CFAP47: variants seen among roughly 807,000 people sequenced by gnomAD.
The protein encoded by CFAP47 is cilia- and flagella-associated protein 47.
Under a neutral mutation model 148.1 loss-of-function variants are expected in CFAP47, and 29 were observed. The ratio of observed to expected loss-of-function variants is 0.20; its 90% CI spans 0.15 to 0.27. CFAP47 has a LOEUF of 0.27. CFAP47 is among the 10% of genes least tolerant of loss of function. CFAP47 has a pLI of 1.00. For missense variants in CFAP47, 1,872 were observed against 1,697.5 expected (o/e 1.10, Z -1.81); for synonymous variants, 664 against 577.3 (o/e 1.15, Z -2.15).
chrX:36,380,664 C>T (rs1375311376), intron 63 of CFAP47, among the ~76,000 whole-genome samples: 1 of 111,713 alleles, frequency 9.0e-6, no homozygotes, highest in African/African-American at 3.3e-5. Flanking sequence ...AGGATGGTCT[C>T]GATCTCCTGA....
intron 57 of CFAP47, among the ~76,000 whole-genome samples, chrX:36,341,427 A>C (rs1213039302): frequency 5.4e-5 from 6 of 111,430 alleles, no homozygotes; most frequent in Non-Finnish European, 1.1e-4. Context: ...ACAGTTTATT[A>C]AAAAACGGGA....
At chrX:36,118,195 T>G (rs2146809987) in intron 33 of CFAP47, among the ~76,000 whole-genome samples, 1 of 112,013 alleles carries the variant, frequency 8.9e-6, no homozygotes, top group Non-Finnish European at 1.9e-5. Context: ...GTTTTGTTCA[T>G]TTTGTTTAGT....
chrX:36,327,116 TTAAAC>T (rs1176678911), intron 57 of CFAP47, among the ~76,000 whole-genome samples: 4 of 111,466 alleles, frequency 3.6e-5, no homozygotes, highest in Non-Finnish European at 7.5e-5. Flanking sequence ...TGGGACCTAA[TTAAAC>T]TAAAGTTTTC....
At chrX:36,033,065 C>T (rs1267580420) in intron 23 of CFAP47, among the ~76,000 whole-genome samples, 1 of 111,840 alleles carries the variant, frequency 8.9e-6, no homozygotes, top group Non-Finnish European at 1.9e-5. Context: ...CCTGCTAACA[C>T]GTTGATCTTA....
intron 36 of CFAP47, among the ~76,000 whole-genome samples, chrX:36,148,901 ATGTGTG>A (rs60968920): frequency 3.2e-3 from 298 of 92,257 alleles, no homozygotes; most frequent in African/African-American, 8.5e-3. Context: ...AACTGTATGT[ATGTGTG>A]TGTGTGTGTG....
chrX:36,164,813 A>G (rs1198584122), intron 39 of CFAP47, among the ~76,000 whole-genome samples: 1 of 111,666 alleles, frequency 9.0e-6, no homozygotes. Flanking sequence ...AAAAACACTT[A>G]GCATGATATC....
At position 36,123,879 on chromosome X, in the gene CFAP47, C is replaced by T. The variant is rs139769997; in HGVS notation, c.5321-14079C>T. Among the ~76,000 whole-genome samples the T allele has an allele frequency of 3.6e-5, 4 of 111,554 alleles. No homozygotes were observed. The East Asian group carries it at 1.1e-3, about 32-fold the overall frequency. On this transcript the variant is annotated intron_variant, in intron 33 of 63. Coordinates refer to ENST00000378653, the MANE Select transcript of CFAP47 (RefSeq NM_001304548.2). ...TAGTCTTACCCCATAGCCACCACACCTGGGGATGTGCTGAGTCTCACCTGA... is the reference window on the plus strand; with the variant it reads ...TAGTCTTACCCCATAGCCACCACACTTGGGGATGTGCTGAGTCTCACCTGA...
At chrX:36,085,801 A>G (rs1195950797) in intron 30 of CFAP47, among the ~76,000 whole-genome samples, 2 of 110,123 alleles carry the variant, frequency 1.8e-5, no homozygotes, top group African/African-American at 6.6e-5. Context: ...TTTTAAGGCA[A>G]TCATTCTTAT....
At chrX:36,243,687 A>ATATATT (rs1940578293) in intron 48 of CFAP47, among the ~76,000 whole-genome samples, 2 of 82,193 alleles carry the variant, frequency 2.4e-5, no homozygotes, top group Non-Finnish European at 4.8e-5. Context: ...ATATATATAT[A>ATATATT]TTCAATATTC....
intron 45 of CFAP47, among the ~76,000 whole-genome samples, chrX:36,216,617 T>C (rs3935979): frequency 0.28 from 31,508 of 111,104 alleles, 5,322 homozygotes; most frequent in African/African-American, 0.64. Flanking sequence ...TTACTTAAAT[T>C]AGTCTCCCCA....
At chrX:36,262,071 A>C (rs1471393576) in intron 49 of CFAP47, among the ~76,000 whole-genome samples, 1 of 111,560 alleles carries the variant, frequency 9.0e-6, no homozygotes, top group Non-Finnish European at 1.9e-5. Flanking sequence ...GTTTCTTTTA[A>C]ATTTTTTTAT....
At chrX:35,965,051 T>C (rs1049469477) in intron 8 of CFAP47, among the ~76,000 whole-genome samples, 1 of 111,888 alleles carries the variant, frequency 8.9e-6, no homozygotes, top group African/African-American at 3.2e-5. Context: ...ATTTTTTTCA[T>C]GTTGAAAACT....
At chrX:36,098,597 T>A (rs1938319564) in intron 30 of CFAP47, among the ~76,000 whole-genome samples, 196 bp from the exon 31 acceptor site, 1 of 111,521 alleles carries the variant, frequency 9.0e-6, no homozygotes, top group African/African-American at 3.3e-5. Flanking sequence ...CACTCTTCCC[T>A]CCCCTTTCCA....
chrX:36,351,569 T>C (rs896849408), intron 59 of CFAP47, among the ~76,000 whole-genome samples: 7 of 112,050 alleles, frequency 6.2e-5, no homozygotes, highest in Non-Finnish European at 1.3e-4. Flanking sequence ...ACCATGCTTA[T>C]GAGAACACAA....
intron 15 of CFAP47, among the ~76,000 whole-genome samples, chrX:35,979,588 G>A (rs772642579): frequency 9.1e-6 from 1 of 110,483 alleles, no homozygotes; most frequent in Non-Finnish European, 1.9e-5. Flanking sequence ...ATACTCTCTC[G>A]AAACAAAAGT....
At chrX:36,060,138 C>A (rs1004880750) in intron 26 of CFAP47, among the ~76,000 whole-genome samples, 5 of 111,529 alleles carry the variant, frequency 4.5e-5, no homozygotes, top group African/African-American at 1.6e-4. Context: ...AATTACCTAA[C>A]CTCAGGTGTT....
Position 36,228,722 on chromosome X carries a change from G to A in CFAP47, c.6912G>A (p.Val2304=), listed in dbSNP as rs1555991885. The change falls in exon 46 of 64, where the codon GTG becomes GTA. Residue 2304 remains valine, a synonymous_variant. Transcript: ENST00000378653. ...TTTTATTGAAATCAAGGTATGATGT[G>A]CGTGCCTATTATGTTGAAGGTATTG... is the stretch of plus-strand genomic sequence containing the variant. ...CKILLKSRYD[V]RAYYVEGIVN... 2 of 525,102 alleles carry A rather than the reference G, an allele frequency of 3.8e-6. No individual in the cohort carries two copies. The highest frequency in any genetic ancestry group is 3.6e-5 in the East Asian group (1 of 27,682). 43.3% of individuals were successfully genotyped at this position (525,102 alleles called of 1,213,427 possible). A position where few individuals can be genotyped will look rare whatever the true frequency, so the allele number is the denominator to read the frequency against.
In CFAP47 at chrX:35,971,705, T is replaced by C. The variant is rs1258011162; in HGVS notation, c.2090T>C (p.Ile697Thr). The C allele has an allele frequency of 1.7e-6, 2 of 1,209,281 alleles. No individual in the cohort carries two copies. The highest frequency in any genetic ancestry group is 2.2e-6 in the Non-Finnish European group (2 of 894,909). ...GAGCTGTCTTCAGCAGCAAATTCAA[T>C]TAGAGCGAATCGATTGTTAACCACC... Reference protein sequence around the residue: ...EEELSSAANSIRANRLLTTRG... With the variant: ...EEELSSAANSTRANRLLTTRG... The change falls in exon 12 of 64, where the codon ATT (isoleucine) becomes ACT (threonine). Residue 697 changes from isoleucine to threonine, a missense_variant. Coordinates refer to ENST00000378653, the MANE Select transcript of CFAP47 (RefSeq NM_001304548.2).
rs1556019228 is a variant in CFAP47 at position 36,361,459 on chromosome X, C to T, written c.8981C>T (p.Thr2994Ile). Residue 2994 changes from threonine (T) to isoleucine (I), a missense_variant, in exon 61 of 64, where the codon ACA becomes ATA. Coordinates refer to ENST00000378653, the MANE Select transcript of CFAP47 (RefSeq NM_001304548.2). ...KSYDIMAKRI[T>I]FIFNLVFTPK... ...TATGATATTATGGCTAAAAGGATAA[C>T]ATTTATCTTCAATCTGGTATTCACA... The T allele has an allele frequency of 1.4e-5, 15 of 1,080,660 alleles. No individual in the cohort carries two copies. The South Asian group carries it at 2.9e-4, about 21-fold the overall frequency. The allele number at this position is 1,080,660 out of a possible 1,213,427, so 89.1% of individuals were successfully genotyped here. A position where few individuals can be genotyped will look rare whatever the true frequency, so the allele number is the denominator to read the frequency against.
Sources: gnomAD v4.1 joint callset for allele counts (sites outside exome capture counted in the v4.1 genomes callset) on GRCh38, gnomAD v4.1.1 for gene constraint, MANE v1.5 for transcripts, NCBI Gene and HGNC (gene_info 2026-07-23, HGNC 2026-07-21) for gene names.